The following CPT1B variants were observed in gnomAD, a reference collection of about 807,000 sequenced individuals.
The protein encoded by CPT1B is carnitine palmitoyltransferase 1B.
In CPT1B, 57 loss-of-function variants were observed where a neutral mutation model predicts 92.7. The ratio of observed to expected loss-of-function variants is 0.62; its 90% CI spans 0.50 to 0.77. CPT1B has a LOEUF of 0.77. Among genes scored for constraint, CPT1B ranks in the 30% least tolerant of loss-of-function variants. CPT1B has a pLI of 0.00. For synonymous variants in CPT1B, 398 were observed against 383.5 expected, an observed-to-expected ratio of 1.04 and a Z score of -0.44; for missense variants, 983 against 1,017.4, an observed-to-expected ratio of 0.97 and a Z score of 0.46.
rs1376391120 is a variant in CPT1B at position 50,571,230 on chromosome 22, C to G, written c.1803G>C (p.Arg601=). 1 of 1,614,112 alleles carries G rather than the reference C, an allele frequency of 6.2e-7. No individual in the cohort carries two copies. Among genetic ancestry groups the G allele is most frequent in the Non-Finnish European group, 8.5e-7 (1 of 1,180,034 alleles). ...ASMTRMFREG[R]TETVRSCTSE... ...TGGTACAGGAACGCACAGTCTCAGT[C>G]CGTCCCTCCCGGAACATTCTGGTCA... The change falls in exon 15 of 20, where the codon CGG becomes CGC. Residue 601 remains arginine, a synonymous_variant. Coordinates refer to ENST00000312108, the MANE Select transcript of CPT1B (RefSeq NM_152246.3).
At chr22:50,576,773 C>T in intron 4 of CPT1B, 84 bp downstream of exon 4, 1 of 1,576,126 alleles carries the variant, frequency 6.3e-7, no homozygotes, top group Non-Finnish European at 8.7e-7. Flanking sequence ...GCCCTGTCTG[C>T]CTCTCCCGTC....
In CPT1B at chr22:50,576,179, C is replaced by G; in HGVS notation, c.699+19G>C. 6.2e-7 allele frequency: 1 copy of G among 1,614,056 alleles called. No homozygotes were observed. On this transcript the variant is annotated intron_variant, in intron 6 of 19. Transcript: ENST00000312108. ...AGGACACATGGCAGGTGACAGTGAG[C>G]CCAGGGGCAGGAACTTACATAGTTA...
rs761263790 is a variant in CPT1B, at chr22:50,577,945, G to C, written c.-19-11C>G. ...GGGGTTGGTCGGCACCTAGGACGGG[G>C]GCAGATGGGTGCGCGGGCGCGCTTA... On this transcript the variant is annotated splice_polypyrimidine_tract_variant and intron_variant, in intron 1 of 19. Coordinates refer to ENST00000312108, the MANE Select transcript of CPT1B (RefSeq NM_152246.3). 1 of 1,593,542 alleles carries C rather than the reference G, an allele frequency of 6.3e-7. No homozygotes were observed. The highest frequency in any genetic ancestry group is 8.6e-7 in the Non-Finnish European group (1 of 1,166,916).
intron 7 of CPT1B, chr22:50,574,983 ATTTG>A (rs200780863): frequency 0.018 from 2,859 of 156,254 alleles, 83 homozygotes; most frequent in African/African-American, 0.065. Context: ...CTTCCTTTTT[ATTTG>A]TTTATTTATT....
chr22:50,572,084 C>T lies in CPT1B; in HGVS notation c.1497G>A (p.Thr499=), dbSNP rs201226839. ...LGTDSFHLGY[T]ETGHCLGKPN... ...GTTTGCCCAGGCAGTGCCCGGTCTC[C>T]GTGTAGCCCAGGTGGAAGCTGTCTG... is the stretch of plus-strand genomic sequence containing the variant. Residue 499 remains threonine, a synonymous_variant, in exon 13 of 20, where the codon ACG becomes ACA. Coordinates refer to ENST00000312108, the MANE Select transcript of CPT1B (RefSeq NM_152246.3). 61 of 1,614,008 alleles carry T rather than the reference C, an allele frequency of 3.8e-5. No individual in the cohort carries two copies. Among genetic ancestry groups the T allele is most frequent in the Non-Finnish European group, 4.7e-5 (56 of 1,180,012 alleles).
chr22:50,569,043 G>A lies in CPT1B; in HGVS notation c.*41C>T, dbSNP rs2070023847. ...GTGGTCTGAGCTGGGGGAGGGGGAG[G>A]GCCTCCGAGTTCCCAAACAAAACAC... On this transcript the variant is annotated 3_prime_UTR_variant, in exon 20 of 20. Coordinates refer to ENST00000312108, the MANE Select transcript of CPT1B (RefSeq NM_152246.3). 6.5e-6 allele frequency: 2 copies of A among 309,206 alleles called. No individual in the cohort carries two copies. Among genetic ancestry groups the A allele is most frequent in the Non-Finnish European group, 1.2e-5 (2 of 163,794 alleles). The allele number at this position is 309,206 out of a possible 1,614,324, so 19.2% of individuals were successfully genotyped here. A position where few individuals can be genotyped will look rare whatever the true frequency, so the allele number is the denominator to read the frequency against.
chr22:50,572,312 C>T lies in CPT1B; in HGVS notation c.1353-4G>A. 2 of 1,604,976 alleles carry T rather than the reference C, an allele frequency of 1.2e-6. No homozygotes were observed. On this transcript the variant is annotated splice_region_variant and splice_polypyrimidine_tract_variant and intron_variant, in intron 11 of 19. Transcript: ENST00000312108. Reference sequence around the variant, plus strand: ...AGTGAAGGATTTGTCAAACCACCTGCAGGAAGAGTAGACACATGAAGAACC... The same window carrying T: ...AGTGAAGGATTTGTCAAACCACCTGTAGGAAGAGTAGACACATGAAGAACC...
intron 5 of CPT1B, 50 bp downstream of exon 5, chr22:50,576,483 TCTC>T (rs2070442590): frequency 6.3e-7 from 1 of 1,593,538 alleles, no homozygotes; most frequent in East Asian, 2.2e-5. Context: ...TTTGGAAACA[TCTC>T]CTGAATCCAA....
rs1165342481 is a variant in CPT1B at position 50,569,407 on chromosome 22, A to G, written c.2250T>C (p.Phe750=). 7 of 1,614,028 alleles carry G rather than the reference A, an allele frequency of 4.3e-6. No individual in the cohort carries two copies. The highest frequency in any genetic ancestry group is 4.0e-5 in the African/African-American group (3 of 74,926). ...FSSSETNAQR[F]GNHIRKALLD... Reference sequence around the variant, plus strand: ...GCAGGGCTTTGCGGATGTGGTTTCCAAAGCGCTGGGCGTTCTGTGGGAGCC... The same window carrying G: ...GCAGGGCTTTGCGGATGTGGTTTCCGAAGCGCTGGGCGTTCTGTGGGAGCC... The change falls in exon 19 of 20, where the codon TTT becomes TTC. Residue 750 remains phenylalanine (F), a synonymous_variant. Coordinates refer to ENST00000312108, the MANE Select transcript of CPT1B (RefSeq NM_152246.3).
rs200495991 is a variant in CPT1B, at chr22:50,570,387, C to T, written c.2048G>A (p.Arg683His). 8.6e-5 allele frequency: 137 copies of T among 1,601,596 alleles called. No individual in the cohort carries two copies. In the South Asian group the frequency reaches 1.1e-3, roughly 13 times the overall value. The change falls in exon 17 of 20, where the codon CGT becomes CAT. Residue 683 changes from arginine to histidine, a missense_variant. By Grantham distance (29) the Arg-to-His change is conservative. Transcript: ENST00000312108. Reference sequence around the variant, plus strand: ...TTGGGGGATCTGGCTGGTGGAGAGACGCCAGGGTTCCGAGAGCACCTGCAA... The same window carrying T: ...TTGGGGGATCTGGCTGGTGGAGAGATGCCAGGGTTCCGAGAGCACCTGCAA... ...FLAEVLSEPW[R>H]LSTSQIPQSQ...
chr22:50,576,412 C>A, intron 5 of CPT1B, 77 bp from the exon 6 acceptor site: 2 of 1,607,424 alleles, frequency 1.2e-6, no homozygotes, highest in Non-Finnish European at 1.7e-6. Context: ...CCACCTCTCC[C>A]TCCTCACCCA....
At chr22:50,575,845 T>C (rs1469196937) in intron 7 of CPT1B, among the ~76,000 whole-genome samples, 190 bp downstream of exon 7, 1 of 152,120 alleles carries the variant, frequency 6.6e-6, no homozygotes, top group Non-Finnish European at 1.5e-5. Context: ...AGGATCCCCA[T>C]TGCCCCTAAG....
chr22:50,570,462 A>C, intron 16 of CPT1B, 56 bp from the exon 17 acceptor site: 2 of 1,377,764 alleles, frequency 1.5e-6, no homozygotes, highest in Non-Finnish European at 2.0e-6. Context: ...CCTGTCCAAC[A>C]CGTGGTGTCT....
chr22:50,574,300 A>G (rs2070329497), intron 9 of CPT1B, 35 bp downstream of exon 9: 2 of 1,569,138 alleles, frequency 1.3e-6, no homozygotes, highest in Non-Finnish European at 1.7e-6. Context: ...AGCCAGCCAG[A>G]TGGCCCACAG....
In CPT1B at chr22:50,571,274, G is replaced by T; in HGVS notation, c.1759C>A (p.Leu587Met). The T allele has an allele frequency of 6.2e-7, 1 of 1,613,916 alleles. No individual in the cohort carries two copies. ...CTGGTCATTGAGGCCTCATAGGTCAGGCAGAACTTACCCCTGTCCTGGGAT... is the reference window on the plus strand; with the variant it reads ...CTGGTCATTGAGGCCTCATAGGTCATGCAGAACTTACCCCTGTCCTGGGAT... Reference protein sequence around the residue: ...AHFRDRGKFCLTYEASMTRMF... With the variant: ...AHFRDRGKFCMTYEASMTRMF... Residue 587 changes from leucine (L) to methionine (M), a missense_variant, in exon 15 of 20, where the codon CTG becomes ATG. Coordinates refer to ENST00000312108, the MANE Select transcript of CPT1B (RefSeq NM_152246.3).
At chr22:50,569,744 G>C (rs2070069092) in intron 17 of CPT1B, 76 bp from the exon 18 acceptor site, 3 of 1,269,566 alleles carry the variant, frequency 2.4e-6, no homozygotes, top group Admixed American at 3.4e-5. Flanking sequence ...TATTGTACTT[G>C]TTCTTCCCAC....
In CPT1B at chr22:50,569,310, G is replaced by A. The variant is rs369611984; in HGVS notation, c.*2+26C>T. On this transcript the variant is annotated intron_variant, in intron 19 of 19. Coordinates refer to ENST00000312108, the MANE Select transcript of CPT1B (RefSeq NM_152246.3). ...GTCCCTTCCTCCACAGTGTGGGGAC[G>A]AAAGGGCAGCTGGCATTTCTCCAAC... 8.9e-5 allele frequency: 143 copies of A among 1,610,870 alleles called. No homozygotes were observed. In the African/African-American group the frequency reaches 1.2e-3, roughly 13 times the overall value.
At chr22:50,569,189 G>T in intron 19 of CPT1B, 108 bp from the exon 20 acceptor site, 1 of 691,800 alleles carries the variant, frequency 1.4e-6, no homozygotes. Flanking sequence ...GGCCCTCAGG[G>T]AGCAGCATCT....
rs1213497469 is a variant in CPT1B at position 50,577,930 on chromosome 22, G to A, written c.-15C>T. On this transcript the variant is annotated 5_prime_UTR_variant, in exon 2 of 20. Coordinates refer to ENST00000312108, the MANE Select transcript of CPT1B (RefSeq NM_152246.3). ...GCTTCCGCCATCCTGGGGGTTGGTCGGCACCTAGGACGGGGGCAGATGGGT... is the reference window on the plus strand; with the variant it reads ...GCTTCCGCCATCCTGGGGGTTGGTCAGCACCTAGGACGGGGGCAGATGGGT... 2 of 1,603,978 alleles carry A rather than the reference G, an allele frequency of 1.2e-6. No individual in the cohort carries two copies. The highest frequency in any genetic ancestry group is 1.7e-6 in the Non-Finnish European group (2 of 1,173,556).
Sources: allele counts gnomAD v4.1 joint callset (sites outside exome capture counted in the v4.1 genomes callset), GRCh38; gene constraint gnomAD v4.1.1; transcripts MANE v1.5; gene names NCBI Gene and HGNC (gene_info 2026-07-23, HGNC 2026-07-21).